Variants in RYR2 observed in about 807,000 individuals in gnomAD.
RYR2 encodes the protein ryanodine receptor 2.
RYR2 carries 227 observed loss-of-function variants against 601.1 expected under a neutral mutation model. That is an observed-to-expected ratio of 0.38 (90% CI 0.34 to 0.42). RYR2 has a LOEUF of 0.42. RYR2 is among the 10% of genes least tolerant of loss of function. The pLI is 1.00. For missense variants in RYR2, 4,646 were observed against 6,156.5 expected (o/e 0.75, Z 8.21); for synonymous variants, 2,223 against 2,175.1 (o/e 1.02, Z -0.61).
intron 1 of RYR2, among the ~76,000 whole-genome samples, chr1:237,074,445 G>T (rs1368907403): frequency 6.6e-6 from 1 of 152,196 alleles, no homozygotes; most frequent in Non-Finnish European, 1.5e-5. Flanking sequence ...ATGCGGCAAT[G>T]GGAGGACACT....
intron 5 of RYR2, among the ~76,000 whole-genome samples, chr1:237,367,328 A>T (rs12073120): frequency 0.34 from 51,178 of 151,644 alleles, 8,896 homozygotes; most frequent in East Asian, 0.42. Flanking sequence ...CTGACCTCAC[A>T]CGATCCACCT....
intron 10 of RYR2, among the ~76,000 whole-genome samples, chr1:237,410,198 T>C (rs1174433836): frequency 6.6e-6 from 1 of 152,220 alleles, no homozygotes; most frequent in Non-Finnish European, 1.5e-5. Flanking sequence ...CTTTGTTATG[T>C]TGAAGAAACA....
chr1:237,535,147 ATTAC>A (rs1668472661), intron 25 of RYR2, among the ~76,000 whole-genome samples: 1 of 151,876 alleles, frequency 6.6e-6, no homozygotes, highest in African/African-American at 2.4e-5. Flanking sequence ...TATATTAAGT[ATTAC>A]TTGGAGAAAG....
At chr1:237,133,573 A>G (rs1002705199) in intron 1 of RYR2, among the ~76,000 whole-genome samples, 5 of 152,200 alleles carry the variant, frequency 3.3e-5, no homozygotes, top group African/African-American at 1.2e-4. Context: ...TAGATACTGT[A>G]TGGTCAAGAT....
At chr1:237,550,841 C>A in intron 27 of RYR2, 150 bp downstream of exon 27, 1 of 869,366 alleles carries the variant, frequency 1.2e-6, no homozygotes, top group Non-Finnish European at 1.7e-6. Context: ...CCCTGAAAAA[C>A]ACCTGAGGGA....
In RYR2 at chr1:237,757,651, A is replaced by G. The variant is rs756334426; in HGVS notation, c.11246-46A>G. ...CATTGGAGGTAGAATAGGTTAATAT[A>G]GAAGGCGAAATGATATAAGGAACAC... On this transcript the variant is annotated intron_variant, in intron 81 of 104. Coordinates refer to ENST00000366574, the MANE Select transcript of RYR2 (RefSeq NM_001035.3). 9 of 1,241,024 alleles carry G rather than the reference A, an allele frequency of 7.3e-6. No homozygotes were observed. In the African/African-American group the frequency reaches 1.0e-4, roughly 14 times the overall value. The allele number at this position is 1,241,024 out of a possible 1,614,324, so 76.9% of individuals were successfully genotyped here. A position where few individuals can be genotyped will look rare whatever the true frequency, so the allele number is the denominator to read the frequency against.
At chr1:237,471,369 C>T (rs1336728117) in intron 17 of RYR2, among the ~76,000 whole-genome samples, 13 of 152,220 alleles carry the variant, frequency 8.5e-5, no homozygotes, top group African/African-American at 3.1e-4. Flanking sequence ...TTACCAAGGA[C>T]TCCTGTACCC....
chr1:237,141,961 C>A (rs1490700061), intron 1 of RYR2, among the ~76,000 whole-genome samples: 1 of 152,214 alleles, frequency 6.6e-6, no homozygotes, highest in Non-Finnish European at 1.5e-5. Context: ...AACAACTGTG[C>A]CAGGATTTTC....
chr1:237,439,020 G>A (rs934867898), intron 12 of RYR2, among the ~76,000 whole-genome samples: 2 of 152,278 alleles, frequency 1.3e-5, no homozygotes, highest in South Asian at 4.1e-4. Context: ...CATTAATATA[G>A]ATATGGTACA....
chr1:237,585,565 T>G (rs1674439470), intron 29 of RYR2, among the ~76,000 whole-genome samples: 1 of 152,242 alleles, frequency 6.6e-6, no homozygotes, highest in South Asian at 2.1e-4. Context: ...TTGATCCCAT[T>G]GCCACATAGT....
chr1:237,150,324 C>T (rs556429554), intron 1 of RYR2, among the ~76,000 whole-genome samples: 3 of 152,262 alleles, frequency 2.0e-5, no homozygotes, highest in East Asian at 1.9e-4. Context: ...GGAAAGCTAG[C>T]ATCTGGTTTC....
chr1:237,049,134 C>A (rs755144499), intron 1 of RYR2, among the ~76,000 whole-genome samples: 1 of 151,868 alleles, frequency 6.6e-6, no homozygotes, highest in Non-Finnish European at 1.5e-5. Flanking sequence ...CCGGAGAAGG[C>A]AATTAGAGAG....
chr1:237,691,863 G>A (rs1299541389), intron 63 of RYR2, among the ~76,000 whole-genome samples: 1 of 152,192 alleles, frequency 6.6e-6, no homozygotes, highest in African/African-American at 2.4e-5. Context: ...TAAATAGGAC[G>A]TAGGCAGGTT....
chr1:237,385,026 A>AGG (rs1701853493), intron 8 of RYR2, among the ~76,000 whole-genome samples: 1 of 151,854 alleles, frequency 6.6e-6, no homozygotes. Flanking sequence ...AGTAACTGGG[A>AGG]TTACAAGTGC....
chr1:237,408,654 CT>C (rs1704146189), intron 10 of RYR2, among the ~76,000 whole-genome samples: 1 of 151,918 alleles, frequency 6.6e-6, no homozygotes, highest in African/African-American at 2.4e-5. Context: ...ATTGTGTTGG[CT>C]CTTCTATGTC....
chr1:237,677,009 G>A (rs1347037512), intron 60 of RYR2, among the ~76,000 whole-genome samples: 1 of 152,100 alleles, frequency 6.6e-6, no homozygotes, highest in African/African-American at 2.4e-5. Context: ...CCATGCAAAT[G>A]AAATTTGCAA....
chr1:237,530,605 T>C (rs1668048130), intron 25 of RYR2, 95 bp downstream of exon 25: 8 of 1,009,864 alleles, frequency 7.9e-6, no homozygotes, highest in South Asian at 5.5e-5. Context: ...TTGCTTTTAC[T>C]GAAGCTTTAA....
At chr1:237,124,117 G>A (rs1313552905) in intron 1 of RYR2, among the ~76,000 whole-genome samples, 1 of 152,152 alleles carries the variant, frequency 6.6e-6, no homozygotes, top group Non-Finnish European at 1.5e-5. Context: ...GTTACGGTGA[G>A]TGTCATAATT....
intron 24 of RYR2, among the ~76,000 whole-genome samples, chr1:237,521,328 A>G (rs1430062164): frequency 6.6e-6 from 1 of 152,222 alleles, no homozygotes; most frequent in Non-Finnish European, 1.5e-5. Flanking sequence ...ACAAAATGCA[A>G]TAGCACCTCT....
Sources: gnomAD v4.1 joint callset for allele counts (sites outside exome capture counted in the v4.1 genomes callset) on GRCh38, gnomAD v4.1.1 for gene constraint, MANE v1.5 for transcripts, NCBI Gene and HGNC (gene_info 2026-07-23, HGNC 2026-07-21) for gene names.